The following MVB12B variants were observed in gnomAD, a reference collection of about 807,000 sequenced individuals.
MVB12B encodes the protein multivesicular body subunit 12B, also known as ESCRT-I complex subunit MVB12B.
In MVB12B, 16 loss-of-function variants were observed where a neutral mutation model predicts 41.6. That is an observed-to-expected ratio of 0.38 (90% CI 0.26 to 0.58). The LOEUF (loss-of-function observed/expected upper bound fraction) is 0.58. MVB12B is among the 20% of genes least tolerant of loss of function. The pLI is 0.62. For synonymous variants in MVB12B, 133 were observed against 139.7 expected (o/e 0.95, Z 0.34); for missense variants, 274 against 380.2 (o/e 0.72, Z 2.32).
chr9:126,404,155 A>G (rs1158317208), intron 6 of MVB12B, among the ~76,000 whole-genome samples: 1 of 152,012 alleles, frequency 6.6e-6, no homozygotes, highest in East Asian at 1.9e-4. Flanking sequence ...GGGTTTCACC[A>G]TATTGGCCAG....
chr9:126,463,107 C>T (rs964823380), intron 7 of MVB12B, among the ~76,000 whole-genome samples: 1 of 152,192 alleles, frequency 6.6e-6, no homozygotes, highest in Admixed American at 6.5e-5. Context: ...GGAGCTGAGT[C>T]CTGGGCCAGT....
At chr9:126,488,955 C>T (rs966932589) in intron 9 of MVB12B, among the ~76,000 whole-genome samples, 2 of 152,156 alleles carry the variant, frequency 1.3e-5, no homozygotes, top group African/African-American at 4.8e-5. Context: ...CAGGGAGCTC[C>T]CCAGAGCTAG....
intron 2 of MVB12B, among the ~76,000 whole-genome samples, chr9:126,373,840 CA>C (rs1564295668): frequency 6.6e-6 from 1 of 151,888 alleles, no homozygotes; most frequent in Non-Finnish European, 1.5e-5. Context: ...TGCTCATTAC[CA>C]AAAAAGCAGA....
At chr9:126,431,524 A>C (rs1832331683) in intron 7 of MVB12B, among the ~76,000 whole-genome samples, 1 of 152,204 alleles carries the variant, frequency 6.6e-6, no homozygotes, top group Non-Finnish European at 1.5e-5. Context: ...TTTCCAGTTA[A>C]GTCATCATGA....
chr9:126,352,028 G>T (rs1829764537), intron 2 of MVB12B, among the ~76,000 whole-genome samples: 1 of 151,922 alleles, frequency 6.6e-6, no homozygotes. Flanking sequence ...AACCAGCCTT[G>T]CATCCCTGGA....
chr9:126,395,828 C>A lies in MVB12B; in HGVS notation c.662+131C>A. 1 of 1,473,876 alleles carries A rather than the reference C, an allele frequency of 6.8e-7. No homozygotes were observed. Among genetic ancestry groups the A allele is most frequent in the South Asian group, 1.5e-5 (1 of 67,668 alleles). 91.3% of individuals were successfully genotyped at this position (1,473,876 alleles called of 1,614,324 possible). On this transcript the variant is annotated intron_variant, in intron 6 of 9. Transcript: ENST00000361171. This position sits in a 1 kb window ranked among gnomAD's most constrained non-coding sequence, Gnocchi z 4.9. ...CTGAATAATTGTAGAAGCAATATAT[C>A]TTTAGAGGAGATTTTTAAAAATCCA...
chr9:126,371,222 A>G (rs1437968960), intron 2 of MVB12B, among the ~76,000 whole-genome samples: 1 of 152,210 alleles, frequency 6.6e-6, no homozygotes, highest in Admixed American at 6.5e-5. Flanking sequence ...TGCTCTCTGC[A>G]GGCTTGTGGA....
At chr9:126,451,547 G>A (rs1209440325) in intron 7 of MVB12B, among the ~76,000 whole-genome samples, 1 of 152,118 alleles carries the variant, frequency 6.6e-6, no homozygotes, top group Non-Finnish European at 1.5e-5. Flanking sequence ...CAAGCCCAGG[G>A]GAATGGTCAA....
intron 1 of MVB12B, among the ~76,000 whole-genome samples, chr9:126,327,605 C>G (rs902140094): frequency 3.3e-5 from 5 of 152,102 alleles, no homozygotes; most frequent in Admixed American, 1.3e-4. Context: ...GACTCCAACA[C>G]CAGCGAGACG....
chr9:126,471,850 G>C (rs113717014), intron 7 of MVB12B, among the ~76,000 whole-genome samples: 1 of 152,188 alleles, frequency 6.6e-6, no homozygotes, highest in African/African-American at 2.4e-5. Flanking sequence ...ATGACTACCT[G>C]CCAATAAGCC....
intron 3 of MVB12B, among the ~76,000 whole-genome samples, chr9:126,383,394 T>C (rs151042964): frequency 6.6e-6 from 1 of 152,302 alleles, no homozygotes; most frequent in African/African-American, 2.4e-5. Context: ...TCGAGATTAA[T>C]TGCACTTTTC....
intron 9 of MVB12B, among the ~76,000 whole-genome samples, chr9:126,502,087 A>G (rs150631435): frequency 6.6e-6 from 1 of 152,270 alleles, no homozygotes; most frequent in East Asian, 1.9e-4. Context: ...TCTTATGACA[A>G]TTCTACTGCT....
chr9:126,410,142 TGTGTG>T (rs1233310698), intron 6 of MVB12B, among the ~76,000 whole-genome samples: 3 of 4,156 alleles, frequency 7.2e-4, no homozygotes, highest in South Asian at 0.025. Context: ...GATTTGGTTT[TGTGTG>T]TGTGTGTGTG....
At chr9:126,440,145 G>A (rs1463174086) in intron 7 of MVB12B, among the ~76,000 whole-genome samples, 1 of 152,208 alleles carries the variant, frequency 6.6e-6, no homozygotes, top group Non-Finnish European at 1.5e-5. Context: ...CGAGCCCCTT[G>A]CTGTATGGAG....
chr9:126,416,830 G>A (rs1831840588), intron 6 of MVB12B, among the ~76,000 whole-genome samples: 1 of 152,156 alleles, frequency 6.6e-6, no homozygotes, highest in African/African-American at 2.4e-5. Context: ...GGCAGGTGGG[G>A]CTCCATCCCA....
intron 7 of MVB12B, among the ~76,000 whole-genome samples, chr9:126,470,646 C>CTTTGTG (rs1554783715): frequency 7.0e-6 from 1 of 143,514 alleles, no homozygotes; most frequent in East Asian, 2.0e-4. Flanking sequence ...AGTCAGTGCT[C>CTTTGTG]TGTGTGTGTG....
At chr9:126,330,791 T>G (rs941930657) in intron 1 of MVB12B, among the ~76,000 whole-genome samples, 3 of 152,008 alleles carry the variant, frequency 2.0e-5, no homozygotes, top group African/African-American at 7.2e-5. Context: ...GCAACCACCA[T>G]TCTGCTTTGT....
At chr9:126,422,096 C>G in intron 7 of MVB12B, 148 bp downstream of exon 7, 3 of 615,092 alleles carry the variant, frequency 4.9e-6, no homozygotes, top group South Asian at 1.9e-5. Context: ...AGGGACCAGG[C>G]CTTCCCTTTC....
chr9:126,362,592 C>T (rs541688331), intron 2 of MVB12B, among the ~76,000 whole-genome samples: 1 of 152,220 alleles, frequency 6.6e-6, no homozygotes, highest in South Asian at 2.1e-4. Context: ...TCCTAAAAAG[C>T]CTGTATCCAA....
Sources: allele counts gnomAD v4.1 joint callset (sites outside exome capture counted in the v4.1 genomes callset), GRCh38; gene constraint gnomAD v4.1.1; non-coding constraint Gnocchi (gnomAD v3.1); transcripts MANE v1.5; gene names NCBI Gene and HGNC (gene_info 2026-07-23, HGNC 2026-07-21).